The following ABI1 variants were observed in gnomAD, a reference collection of about 807,000 sequenced individuals.
The protein encoded by ABI1 is Abelson interactor 1.
In ABI1, 14 loss-of-function variants were observed where a neutral mutation model predicts 54.6. The observed-to-expected ratio is 0.26, with a 90% CI of 0.17 to 0.40. The LOEUF (loss-of-function observed/expected upper bound fraction) is 0.40, where lower values mean the gene tolerates loss of function less well. ABI1 is among the 10% of genes least tolerant of loss of function. The pLI is 1.00. For synonymous variants in ABI1, 194 were observed against 209.3 expected, an observed-to-expected ratio of 0.93 and a Z score of 0.63; for missense variants, 443 against 598.3, an observed-to-expected ratio of 0.74 and a Z score of 2.71.
intron 2 of ABI1, among the ~76,000 whole-genome samples, chr10:26,811,628 G>A (rs17747961): frequency 0.18 from 27,004 of 151,852 alleles, 2,547 homozygotes; most frequent in Admixed American, 0.22. Flanking sequence ...GAAATTTTTC[G>A]TGTTTTCCTT....
chr10:26,859,680 C>G (rs2051136848), intron 1 of ABI1, among the ~76,000 whole-genome samples: 1 of 152,210 alleles, frequency 6.6e-6, no homozygotes, highest in African/African-American at 2.4e-5. Flanking sequence ...CAAGAGTTTT[C>G]TAATTTACAA....
At chr10:26,809,468 G>A (rs561892272) in intron 2 of ABI1, among the ~76,000 whole-genome samples, 236 of 151,994 alleles carry the variant, frequency 1.6e-3, no homozygotes, top group African/African-American at 5.1e-3. Flanking sequence ...CTGGGTGGGC[G>A]GATCCCTTGA....
At position 26,772,415 on chromosome 10, in the gene ABI1, T is replaced by C. The variant is rs1249732419; in HGVS notation, c.463-1326A>G. ...TCCTAAAATAACCAAGAAAATATTC[T>C]AAATATGTCCACATATCTTCCTTCA... On this transcript the variant is annotated intron_variant, in intron 3 of 10. Coordinates refer to ENST00000376140, the MANE Select transcript of ABI1 (RefSeq NM_001012750.3). Among the ~76,000 whole-genome samples the C allele has an allele frequency of 3.9e-5, 6 of 152,130 alleles. No individual in the cohort carries two copies. In the East Asian group the frequency reaches 1.2e-3, roughly 29 times the overall value.
At chr10:26,824,112 T>G (rs925806831) in intron 1 of ABI1, among the ~76,000 whole-genome samples, 1 of 150,908 alleles carries the variant, frequency 6.6e-6, no homozygotes, top group Non-Finnish European at 1.5e-5. Flanking sequence ...GGAACAGAGA[T>G]CTAACAGAAA....
chr10:26,855,246 T>C (rs1222810535), intron 1 of ABI1, among the ~76,000 whole-genome samples: 2 of 152,214 alleles, frequency 1.3e-5, no homozygotes, highest in Admixed American at 6.5e-5. Context: ...CAAACATATC[T>C]CTTCTTATAT....
In ABI1 at chr10:26,754,651, A is replaced by G. The variant is rs565273227; in HGVS notation, c.1084+1004T>C. Among the ~76,000 whole-genome samples, 4 of 152,170 alleles carry G rather than the reference A, an allele frequency of 2.6e-5. No individual in the cohort carries two copies. In the South Asian group the frequency reaches 8.3e-4, roughly 31 times the overall value. On this transcript the variant is annotated intron_variant, in intron 9 of 10. Coordinates refer to ENST00000376140, the MANE Select transcript of ABI1 (RefSeq NM_001012750.3). The stretch of plus-strand genomic sequence containing the variant: ...AAGCTGAAGAATGGAATTTGCCACA[A>G]TATATTTTCTTGGAGGATAGGCTGG...
At chr10:26,763,773 C>A in intron 7 of ABI1, 1 of 965,606 alleles carries the variant, frequency 1.0e-6, no homozygotes, top group Non-Finnish European at 1.6e-6. Flanking sequence ...TTTGTATTAT[C>A]ACCTGCAACC....
intron 1 of ABI1, among the ~76,000 whole-genome samples, chr10:26,844,142 GACA>G (rs1297726385): frequency 6.6e-6 from 1 of 152,118 alleles, no homozygotes; most frequent in East Asian, 1.9e-4. Flanking sequence ...CCTGGCACTT[GACA>G]CTACTCACAG....
chr10:26,842,784 C>T (rs1309537310), intron 1 of ABI1, among the ~76,000 whole-genome samples: 9 of 152,292 alleles, frequency 5.9e-5, no homozygotes, highest in South Asian at 2.1e-4. Flanking sequence ...CAGTGGCTCA[C>T]GCCTGTAATC....
At chr10:26,838,232 C>A (rs2134016458) in intron 1 of ABI1, among the ~76,000 whole-genome samples, 1 of 152,118 alleles carries the variant, frequency 6.6e-6, no homozygotes, top group South Asian at 2.1e-4. Flanking sequence ...CCATCTTGGC[C>A]AAGCTGGTCT....
At chr10:26,808,991 C>G (rs940990019) in intron 2 of ABI1, among the ~76,000 whole-genome samples, 1 of 151,862 alleles carries the variant, frequency 6.6e-6, no homozygotes, top group African/African-American at 2.4e-5. Flanking sequence ...AACAACTGGC[C>G]GGGCACGGTG....
intron 2 of ABI1, among the ~76,000 whole-genome samples, chr10:26,800,074 A>G (rs2046446876): frequency 6.6e-6 from 1 of 152,000 alleles, no homozygotes; most frequent in Non-Finnish European, 1.5e-5. Context: ...GCCTTCAAAA[A>G]GTCATCCTTA....
At chr10:26,776,926 T>A (rs1025369901) in intron 3 of ABI1, 139 bp downstream of exon 3, 1 of 770,106 alleles carries the variant, frequency 1.3e-6, no homozygotes, top group African/African-American at 1.8e-5. Context: ...TTAGTAAAAT[T>A]CATATTAAAT....
At chr10:26,841,084 A>G (rs2049462422) in intron 1 of ABI1, among the ~76,000 whole-genome samples, 2 of 152,188 alleles carry the variant, frequency 1.3e-5, no homozygotes. Flanking sequence ...TGGTTTTCTT[A>G]CTACAATAGC....
At chr10:26,835,777 ATTT>A (rs71281567) in intron 1 of ABI1, among the ~76,000 whole-genome samples, 1 of 144,370 alleles carries the variant, frequency 6.9e-6, no homozygotes, top group Non-Finnish European at 1.5e-5. Flanking sequence ...TTTTACTAAT[ATTT>A]TTTTTTTTTT....
At chr10:26,841,777 T>G (rs1589047541) in intron 1 of ABI1, among the ~76,000 whole-genome samples, 1 of 152,216 alleles carries the variant, frequency 6.6e-6, no homozygotes, top group African/African-American at 2.4e-5. Flanking sequence ...ATCTGCATTT[T>G]AAGGCTGAAT....
At chr10:26,759,263 C>T (rs1464171475) in intron 7 of ABI1, 25 bp from the exon 8 acceptor site, 1 of 1,607,962 alleles carries the variant, frequency 6.2e-7, no homozygotes, top group South Asian at 1.1e-5. Flanking sequence ...TCAAAGGCAA[C>T]CAACAAAGAG....
chr10:26,781,521 G>A (rs1197937318), intron 2 of ABI1, among the ~76,000 whole-genome samples: 28 of 152,316 alleles, frequency 1.8e-4, no homozygotes. Context: ...CTAGTGGGCT[G>A]TAAACTCCAG....
rs1242128859 is a variant in ABI1 at position 26,825,981 on chromosome 10, T to A, written c.118-2676A>T. 5.9e-5 allele frequency among the ~76,000 whole-genome samples: 9 copies of A among 152,298 alleles called. No homozygotes were observed. The East Asian group carries it at 1.7e-3, about 29-fold the overall frequency. ...TGAAGTCTTGAACCCCTCAGCATCA[T>A]CCATGAGGGCTGGAATCAACTTCTT... On this transcript the variant is annotated intron_variant, in intron 1 of 10. Coordinates refer to ENST00000376140, the MANE Select transcript of ABI1 (RefSeq NM_001012750.3).
Sources: gnomAD v4.1 joint callset for allele counts (sites outside exome capture counted in the v4.1 genomes callset) on GRCh38, gnomAD v4.1.1 for gene constraint, MANE v1.5 for transcripts, NCBI Gene and HGNC (gene_info 2026-07-23, HGNC 2026-07-21) for gene names.